Variants in ESRRG observed in about 807,000 individuals in gnomAD.
ESRRG encodes the protein estrogen related receptor gamma, also known as estrogen-related receptor gamma.
Under a neutral mutation model 44.0 loss-of-function variants are expected in ESRRG, and 13 were observed. That is an observed-to-expected ratio of 0.30 (90% CI 0.19 to 0.47). ESRRG has a LOEUF of 0.47. Ranked by LOEUF, ESRRG falls within the 20% of genes least tolerant of loss-of-function variation. The pLI, the probability that ESRRG is intolerant of heterozygous loss-of-function variation, is 1.00. For synonymous variants in ESRRG, 215 were observed against 214.6 expected, an observed-to-expected ratio of 1.00 and a Z score of -0.02; for missense variants, 395 against 580.6, an observed-to-expected ratio of 0.68 and a Z score of 3.29.
At chr1:216,773,450 G>A (rs1022430092) in intron 2 of ESRRG, among the ~76,000 whole-genome samples, 1 of 152,032 alleles carries the variant, frequency 6.6e-6, no homozygotes, top group Admixed American at 6.6e-5. Flanking sequence ...TCCCACTGAA[G>A]ATTACCGAAC....
At chr1:216,988,598 A>G (rs1334772338) in intron 1 of ESRRG, among the ~76,000 whole-genome samples, 1 of 152,186 alleles carries the variant, frequency 6.6e-6, no homozygotes, top group African/African-American at 2.4e-5. Flanking sequence ...GGGTTCTGAT[A>G]TGGTGGCTTG....
In ESRRG at chr1:217,072,784, T is replaced by C. The variant is rs114539258; in HGVS notation, c.-106+16723A>G. ...AAAGCAGAAGCCCTCAACAAAGTTC[T>C]AGATTGGGAATCTGAAATCGCAAGC... On this transcript the variant is annotated intron_variant, in intron 1 of 7. Coordinates refer to the ESRRG transcript ENST00000359162. 1.6e-3 allele frequency among the ~76,000 whole-genome samples: 243 copies of C among 152,280 alleles called. 1 individual carries two copies. The highest frequency in any genetic ancestry group is 5.7e-3 in the African/African-American group (238 of 41,558).
At chr1:217,119,438 T>C (rs1425136783) in intron 1 of ESRRG, among the ~76,000 whole-genome samples, 1 of 152,190 alleles carries the variant, frequency 6.6e-6, no homozygotes, top group African/African-American at 2.4e-5. Context: ...TCTGAATCCC[T>C]CTCTACATCT....
chr1:216,610,330 C>T (rs1295516798), intron 3 of ESRRG, among the ~76,000 whole-genome samples: 1 of 151,940 alleles, frequency 6.6e-6, no homozygotes, highest in Admixed American at 6.6e-5. Context: ...TTACAATATG[C>T]CCATCAACCA....
chr1:216,681,172 G>A (rs1412733570), intron 1 of ESRRG, among the ~76,000 whole-genome samples: 1 of 152,032 alleles, frequency 6.6e-6, no homozygotes, highest in African/African-American at 2.4e-5. Context: ...AGATGAACAG[G>A]GAGCAAGACC....
At chr1:216,681,185 C>T (rs1040030828) in intron 1 of ESRRG, among the ~76,000 whole-genome samples, 1 of 152,132 alleles carries the variant, frequency 6.6e-6, no homozygotes, top group Admixed American at 6.5e-5. Context: ...GCAAGACCAG[C>T]TAACTAACTC....
chr1:216,978,963 G>T (rs552105554), intron 1 of ESRRG, among the ~76,000 whole-genome samples: 7 of 152,112 alleles, frequency 4.6e-5, no homozygotes, highest in African/African-American at 1.7e-4. Context: ...GTGCACATGA[G>T]CTGGGACCTC....
chr1:216,683,357 T>G (rs1396768504), intron 1 of ESRRG, among the ~76,000 whole-genome samples: 1 of 152,196 alleles, frequency 6.6e-6, no homozygotes, highest in African/African-American at 2.4e-5. Context: ...TAATAAAAAT[T>G]GAGCCCTATC....
At chr1:216,910,766 A>G (rs1375647966) in intron 2 of ESRRG, among the ~76,000 whole-genome samples, 2 of 152,198 alleles carry the variant, frequency 1.3e-5, no homozygotes, top group Non-Finnish European at 2.9e-5. Context: ...GTGTGAAGTG[A>G]AGCACTCCTT....
chr1:216,550,597 G>A (rs148896454), intron 5 of ESRRG, among the ~76,000 whole-genome samples: 154 of 152,192 alleles, frequency 1.0e-3, no homozygotes, highest in African/African-American at 3.6e-3. Flanking sequence ...AAGTATGGAC[G>A]CAACATGGAG....
At chr1:216,730,158 C>A (rs372509231) in intron 2 of ESRRG, among the ~76,000 whole-genome samples, 3 of 152,030 alleles carry the variant, frequency 2.0e-5, no homozygotes, top group African/African-American at 7.2e-5. Context: ...CAATTGTTGA[C>A]ACTATACTAG....
rs193046390 is a variant in ESRRG, at chr1:216,905,464, A to G, written c.-14+34118T>C. 1.2e-4 allele frequency among the ~76,000 whole-genome samples: 18 copies of G among 151,730 alleles called. No individual in the cohort carries two copies. The East Asian group carries it at 3.5e-3, about 30-fold the overall frequency. On this transcript the variant is annotated intron_variant, in intron 2 of 7. Coordinates refer to the ESRRG transcript ENST00000359162. The stretch of plus-strand genomic sequence containing the variant: ...CTCAAAGGTTACCCCTTAAAGTTCA[A>G]CCCTCCTCTGACTGTTCAGTTGTTC...
chr1:216,756,514 G>T (rs1210339376), intron 2 of ESRRG, among the ~76,000 whole-genome samples: 2 of 151,940 alleles, frequency 1.3e-5, no homozygotes, highest in East Asian at 1.9e-4. Context: ...AGAAAATCAG[G>T]TTTTTTCTCT....
rs12057613 is a variant in ESRRG, at chr1:217,058,216, A to G, written c.-106+31291T>C. Among the ~76,000 whole-genome samples the G allele has an allele frequency of 4.8e-3, 733 of 152,336 alleles. 4 individuals are homozygous for G. The highest frequency in any genetic ancestry group is 0.017 in the African/African-American group (703 of 41,584). On this transcript the variant is annotated intron_variant, in intron 1 of 7. Transcript: ENST00000359162. ...CTTATAGTATAAAGAAAATTAAACTATCATCAGACTTTCTAACGCAAACGC... is the reference window on the plus strand; with the variant it reads ...CTTATAGTATAAAGAAAATTAAACTGTCATCAGACTTTCTAACGCAAACGC...
intron 2 of ESRRG, among the ~76,000 whole-genome samples, chr1:216,738,117 G>C (rs1483327205): frequency 6.6e-6 from 1 of 151,552 alleles, no homozygotes; most frequent in African/African-American, 2.4e-5. Flanking sequence ...CAGCTGCCTG[G>C]GTCTCACCCA....
At chr1:216,644,427 C>CTTT (rs71161439) in intron 3 of ESRRG, among the ~76,000 whole-genome samples, 66 of 128,474 alleles carry the variant, frequency 5.1e-4, no homozygotes, top group East Asian at 1.6e-3. Context: ...TTCTTTCTTT[C>CTTT]TTTTTTTTTT....
chr1:217,012,239 T>A (rs1381106336), intron 1 of ESRRG, among the ~76,000 whole-genome samples: 5 of 152,158 alleles, frequency 3.3e-5, no homozygotes, highest in African/African-American at 4.8e-5. Context: ...CCCATCTATT[T>A]CTACAGCACT....
intron 2 of ESRRG, among the ~76,000 whole-genome samples, chr1:216,744,214 C>T (rs368519287): frequency 1.4e-4 from 21 of 152,168 alleles, no homozygotes; most frequent in East Asian, 1.2e-3. Flanking sequence ...TCTGAACAAA[C>T]GGCAATAAAA....
chr1:216,898,475 G>A (rs1345132405), intron 2 of ESRRG, among the ~76,000 whole-genome samples: 2 of 152,006 alleles, frequency 1.3e-5, no homozygotes, highest in Non-Finnish European at 2.9e-5. Context: ...AAAATTAGCT[G>A]GGCGTGGTGG....
Sources: allele counts gnomAD v4.1 joint callset (sites outside exome capture counted in the v4.1 genomes callset), GRCh38; gene constraint gnomAD v4.1.1; transcripts MANE v1.5; gene names NCBI Gene and HGNC (gene_info 2026-07-23, HGNC 2026-07-21).